The following ST6GALNAC3 variants were observed in gnomAD, a reference collection of about 807,000 sequenced individuals.
ST6GALNAC3 encodes alpha-N-acetylgalactosaminide alpha-2,6-sialyltransferase 3.
ST6GALNAC3 carries 25 observed loss-of-function variants against 32.7 expected under a neutral mutation model. That is an observed-to-expected ratio of 0.76 (90% CI 0.56 to 1.07). The LOEUF (loss-of-function observed/expected upper bound fraction) is 1.07. ST6GALNAC3 is among the 50% of genes least tolerant of loss of function. The probability of loss-of-function intolerance (pLI) is 0.00; values close to 1 mark genes in which losing one functional copy is unlikely to be tolerated. For synonymous variants in ST6GALNAC3, 129 were observed against 133.1 expected, an observed-to-expected ratio of 0.97 and a Z score of 0.21; for missense variants, 355 against 382.4, an observed-to-expected ratio of 0.93 and a Z score of 0.60.
chr1:76,479,283 C>T (rs1297623385), intron 3 of ST6GALNAC3, among the ~76,000 whole-genome samples: 1 of 152,118 alleles, frequency 6.6e-6, no homozygotes, highest in South Asian at 2.1e-4. Flanking sequence ...TTCCTCAAAC[C>T]TCACATAGCC....
rs572792416 is a variant in ST6GALNAC3, at chr1:76,286,688, C to T, written c.19-27117C>T. ...GCCTCACTTGTTTATATGAAGCCAC[C>T]GGCCTCATGGCCATGCCTCAGCCAA... On this transcript the variant is annotated intron_variant, in intron 1 of 4. Coordinates refer to ENST00000328299, the MANE Select transcript of ST6GALNAC3 (RefSeq NM_152996.4). 3.9e-5 allele frequency among the ~76,000 whole-genome samples: 6 copies of T among 152,322 alleles called. No individual in the cohort carries two copies. The South Asian group carries it at 8.3e-4, about 21-fold the overall frequency.
intron 2 of ST6GALNAC3, among the ~76,000 whole-genome samples, chr1:76,376,031 G>A (rs527795852): frequency 2.0e-5 from 3 of 152,034 alleles, no homozygotes; most frequent in Non-Finnish European, 2.9e-5. Context: ...TGAAGGGAAT[G>A]GAGAAATTGG....
intron 2 of ST6GALNAC3, among the ~76,000 whole-genome samples, chr1:76,343,494 G>A (rs1205697835): frequency 6.6e-6 from 1 of 152,186 alleles, no homozygotes; most frequent in Non-Finnish European, 1.5e-5. Context: ...TGGGAGCTGA[G>A]TCTGTATCCT....
At chr1:76,161,699 G>T (rs1348281542) in intron 1 of ST6GALNAC3, among the ~76,000 whole-genome samples, 1 of 152,160 alleles carries the variant, frequency 6.6e-6, no homozygotes, top group Non-Finnish European at 1.5e-5. Context: ...TTTACTGAGG[G>T]CTGTTCTGTA....
intron 3 of ST6GALNAC3, among the ~76,000 whole-genome samples, chr1:76,476,607 G>A (rs1239717874): frequency 6.6e-6 from 1 of 152,126 alleles, no homozygotes; most frequent in East Asian, 1.9e-4. Flanking sequence ...ATGAGGTTAG[G>A]TATGATTTTG....
chr1:76,448,099 G>C (rs1199851754), intron 3 of ST6GALNAC3, among the ~76,000 whole-genome samples: 1 of 152,186 alleles, frequency 6.6e-6, no homozygotes, highest in East Asian at 1.9e-4. Context: ...ACCCCGCAAA[G>C]TCACAGGGTG....
At chr1:76,321,513 T>C (rs1646966133) in intron 2 of ST6GALNAC3, among the ~76,000 whole-genome samples, 1 of 152,170 alleles carries the variant, frequency 6.6e-6, no homozygotes, top group African/African-American at 2.4e-5. Flanking sequence ...CTAGCTGATA[T>C]ATTGTAGTTA....
At chr1:76,571,916 C>T (rs958776003) in intron 3 of ST6GALNAC3, among the ~76,000 whole-genome samples, 10 of 151,982 alleles carry the variant, frequency 6.6e-5, no homozygotes, top group Non-Finnish European at 1.2e-4. Flanking sequence ...TTTTCCTGTG[C>T]TCTCTTATAG....
intron 1 of ST6GALNAC3, among the ~76,000 whole-genome samples, chr1:76,220,718 C>T (rs536415618): frequency 5.9e-5 from 9 of 152,238 alleles, no homozygotes; most frequent in African/African-American, 1.9e-4. Flanking sequence ...GCTGTTGGGG[C>T]AGGCTAGGGG....
At chr1:76,502,074 C>T (rs1661207980) in intron 3 of ST6GALNAC3, among the ~76,000 whole-genome samples, 1 of 152,094 alleles carries the variant, frequency 6.6e-6, no homozygotes, top group African/African-American at 2.4e-5. Context: ...CGCCTCTTAT[C>T]AGGAAAAAAA....
At chr1:76,580,969 C>G (rs2100545982) in intron 3 of ST6GALNAC3, among the ~76,000 whole-genome samples, 1 of 152,052 alleles carries the variant, frequency 6.6e-6, no homozygotes, top group Non-Finnish European at 1.5e-5. Flanking sequence ...GGATTTTATG[C>G]CAAGAGGTTG....
intron 1 of ST6GALNAC3, among the ~76,000 whole-genome samples, chr1:76,083,640 TA>T (rs1646928119): frequency 6.6e-6 from 1 of 152,248 alleles, no homozygotes; most frequent in Non-Finnish European, 1.5e-5. Flanking sequence ...GTACATTTCC[TA>T]AGAGCCATTA....
At chr1:76,364,445 C>T (rs1038529518) in intron 2 of ST6GALNAC3, among the ~76,000 whole-genome samples, 1 of 152,040 alleles carries the variant, frequency 6.6e-6, no homozygotes, top group East Asian at 1.9e-4. Flanking sequence ...CCCAGCTACT[C>T]GAGAGGCTGA....
chr1:76,408,964 T>G (rs1654026828), intron 2 of ST6GALNAC3, among the ~76,000 whole-genome samples: 1 of 152,140 alleles, frequency 6.6e-6, no homozygotes, highest in African/African-American at 2.4e-5. Context: ...ATTGGAGGAC[T>G]CAGCTAAGAG....
intron 1 of ST6GALNAC3, among the ~76,000 whole-genome samples, chr1:76,271,110 G>A (rs949145331): frequency 1.6e-4 from 24 of 152,140 alleles, no homozygotes; most frequent in African/African-American, 5.6e-4. Flanking sequence ...TTCCTTACTT[G>A]ATGGCTGTGG....
At chr1:76,472,213 T>C (rs1659076846) in intron 3 of ST6GALNAC3, among the ~76,000 whole-genome samples, 1 of 152,200 alleles carries the variant, frequency 6.6e-6, no homozygotes, top group Admixed American at 6.5e-5. Context: ...ATTCATTTAC[T>C]TGATCTCATC....
At chr1:76,603,581 A>C (rs1268745741) in intron 3 of ST6GALNAC3, among the ~76,000 whole-genome samples, 1 of 152,224 alleles carries the variant, frequency 6.6e-6, no homozygotes, top group Non-Finnish European at 1.5e-5. Flanking sequence ...AATATTGAAT[A>C]ATCCAAAAAC....
At chr1:76,463,963 T>C (rs558330140) in intron 3 of ST6GALNAC3, among the ~76,000 whole-genome samples, 1 of 152,092 alleles carries the variant, frequency 6.6e-6, no homozygotes, top group South Asian at 2.1e-4. Context: ...GTCTCTCTAC[T>C]AAAAGTCACA....
intron 2 of ST6GALNAC3, among the ~76,000 whole-genome samples, chr1:76,341,606 T>TTTCTTTCTTTCTTTCC (rs1647981028): frequency 1.4e-4 from 5 of 35,306 alleles, no homozygotes; most frequent in Middle Eastern, 0.012. Context: ...CCAAACTGCT[T>TTTCTTTCTTTCTTTCC]TTCTTTCTTT....
Sources: allele counts gnomAD v4.1 joint callset (sites outside exome capture counted in the v4.1 genomes callset), GRCh38; gene constraint gnomAD v4.1.1; transcripts MANE v1.5; gene names NCBI Gene and HGNC (gene_info 2026-07-23, HGNC 2026-07-21).